Variants in NCK1 observed in about 807,000 individuals in gnomAD.
The protein encoded by NCK1 is NCK adaptor protein 1.
In NCK1, 19 loss-of-function variants were observed where a neutral mutation model predicts 36.6. The ratio of observed to expected loss-of-function variants is 0.52; its 90% CI spans 0.36 to 0.76. The LOEUF is 0.76. Ranked by LOEUF, NCK1 falls within the 30% of genes least tolerant of loss-of-function variation. The pLI is 0.00. For synonymous variants in NCK1, 165 were observed against 156.0 expected (o/e 1.06, Z -0.43); for missense variants, 358 against 445.6 (o/e 0.80, Z 1.77).
chr3:136,863,891 G>T (rs1048898451), intron 1 of NCK1, among the ~76,000 whole-genome samples: 4 of 151,832 alleles, frequency 2.6e-5, no homozygotes, highest in African/African-American at 7.3e-5. Flanking sequence ...CACGAGGTCA[G>T]GAGATTGAAA....
chr3:136,879,259 A>G (rs908161169), intron 1 of NCK1, among the ~76,000 whole-genome samples: 1 of 152,164 alleles, frequency 6.6e-6, no homozygotes, highest in African/African-American at 2.4e-5. Context: ...TCAGAGGTCA[A>G]CTTCCAAATA....
rs568832928 is a variant in NCK1 at position 136,936,899 on chromosome 3, A to G, written c.226+8672A>G. Among the ~76,000 whole-genome samples the G allele has an allele frequency of 8.1e-4, 124 of 152,296 alleles. 1 individual carries two copies. The highest frequency in any genetic ancestry group is 5.2e-3 in the South Asian group (25 of 4,830). ...ACCCTTATCAGAATTATGATTTGCAAATATTCTCTTCTAATTCTGTAGGTT... is the reference window on the plus strand; with the variant it reads ...ACCCTTATCAGAATTATGATTTGCAGATATTCTCTTCTAATTCTGTAGGTT... On this transcript the variant is annotated intron_variant, in intron 2 of 3. Transcript: ENST00000481752.
At chr3:136,930,879 G>C (rs1248106021) in intron 2 of NCK1, among the ~76,000 whole-genome samples, 7 of 152,040 alleles carry the variant, frequency 4.6e-5, no homozygotes, top group Non-Finnish European at 8.8e-5. Flanking sequence ...TTTCAACTTA[G>C]CACAGACATT....
intron 1 of NCK1, among the ~76,000 whole-genome samples, chr3:136,886,513 G>A (rs1014509295): frequency 4.6e-5 from 7 of 152,106 alleles, no homozygotes; most frequent in East Asian, 1.9e-4. Flanking sequence ...AGGAAAAAAC[G>A]TCTGTATATG....
chr3:136,894,964 C>T (rs1000901032), intron 1 of NCK1, among the ~76,000 whole-genome samples: 6 of 152,154 alleles, frequency 3.9e-5, no homozygotes, highest in East Asian at 1.9e-4. Context: ...CAACCTCCAC[C>T]TCCTGGGTTC....
intron 1 of NCK1, among the ~76,000 whole-genome samples, chr3:136,921,348 G>A (rs1267271675): frequency 6.6e-6 from 1 of 152,194 alleles, no homozygotes; most frequent in Admixed American, 6.5e-5. Flanking sequence ...GCAAAATGAA[G>A]GGTAAAGCAA....
intron 2 of NCK1, among the ~76,000 whole-genome samples, chr3:136,934,292 T>A (rs996469022): frequency 9.9e-5 from 15 of 152,102 alleles, no homozygotes; most frequent in African/African-American, 3.6e-4. Context: ...TATTTCTTTC[T>A]TTCTTTTTTC....
At chr3:136,872,644 C>A (rs1197425101) in intron 1 of NCK1, among the ~76,000 whole-genome samples, 1 of 152,172 alleles carries the variant, frequency 6.6e-6, no homozygotes, top group African/African-American at 2.4e-5. Context: ...CATGGCAGCC[C>A]CTCCCATCAC....
chr3:136,883,824 G>T (rs947972060), intron 1 of NCK1, among the ~76,000 whole-genome samples: 3 of 152,194 alleles, frequency 2.0e-5, no homozygotes, highest in African/African-American at 7.2e-5. Flanking sequence ...AAGGATGGAT[G>T]AGAGACATTT....
chr3:136,933,009 A>G (rs1263704064), intron 2 of NCK1, among the ~76,000 whole-genome samples: 2 of 152,260 alleles, frequency 1.3e-5, no homozygotes, highest in Non-Finnish European at 2.9e-5. Context: ...CAAGATAGAA[A>G]TAAACAAGAT....
chr3:136,918,001 C>T (rs2108118727), intron 1 of NCK1, among the ~76,000 whole-genome samples: 2 of 152,294 alleles, frequency 1.3e-5, no homozygotes, highest in South Asian at 4.1e-4. Flanking sequence ...GACACCTGGC[C>T]TGTCCCCAGG....
At chr3:136,922,165 C>G (rs1940127454) in intron 1 of NCK1, among the ~76,000 whole-genome samples, 1 of 152,184 alleles carries the variant, frequency 6.6e-6, no homozygotes, top group Non-Finnish European at 1.5e-5. Context: ...GGAAGAGAAA[C>G]AAACTTATTA....
At chr3:136,884,099 A>T (rs555511738) in intron 1 of NCK1, among the ~76,000 whole-genome samples, 1 of 152,302 alleles carries the variant, frequency 6.6e-6, no homozygotes, top group South Asian at 2.1e-4. Context: ...AGGTGATACG[A>T]TGAAGTCATA....
chr3:136,866,265 C>G (rs1319163497), intron 1 of NCK1, among the ~76,000 whole-genome samples: 2 of 151,722 alleles, frequency 1.3e-5, no homozygotes, highest in Non-Finnish European at 2.9e-5. Flanking sequence ...CTTATTTACT[C>G]TTTGTATTTT....
At chr3:136,882,405 T>C (rs1298048166) in intron 1 of NCK1, among the ~76,000 whole-genome samples, 1 of 152,244 alleles carries the variant, frequency 6.6e-6, no homozygotes, top group East Asian at 1.9e-4. Flanking sequence ...TTTTTACTTT[T>C]GTCTGTCCAT....
intron 1 of NCK1, among the ~76,000 whole-genome samples, chr3:136,887,543 A>G (rs889977021): frequency 1.3e-5 from 2 of 152,238 alleles, no homozygotes; most frequent in Non-Finnish European, 2.9e-5. Flanking sequence ...ATCGACTTGC[A>G]GTGAATTAGT....
At position 136,905,025 on chromosome 3, in the gene NCK1, CTT is replaced by C. The variant is rs1419888914; in HGVS notation, c.-18-22955_-18-22954del. Among the ~76,000 whole-genome samples, 3 of 81,636 alleles carry C rather than the reference CTT, an allele frequency of 3.7e-5. No homozygotes were observed. The Admixed American group carries it at 4.5e-4, about 12-fold the overall frequency. 53.6% of individuals were successfully genotyped at this position (81,636 alleles called of 152,430 possible). On this transcript the variant is annotated intron_variant, in intron 1 of 3. Coordinates refer to ENST00000481752, the MANE Select transcript of NCK1 (RefSeq NM_001291999.2). ...GTTTTTCCTTTTTTTTTTTTTTTTT[CTT>C]TTTGAGATGGAGTCTCGCTCTGTTT...
intron 1 of NCK1, among the ~76,000 whole-genome samples, chr3:136,864,113 A>G (rs553246244): frequency 6.6e-6 from 1 of 151,746 alleles, no homozygotes; most frequent in South Asian, 2.1e-4. Context: ...AAAAATAAAT[A>G]AAATGTGTAT....
intron 1 of NCK1, among the ~76,000 whole-genome samples, chr3:136,869,960 C>T (rs1328077979): frequency 2.0e-5 from 3 of 148,982 alleles, no homozygotes; most frequent in African/African-American, 7.5e-5. Flanking sequence ...TTTGTTCAAA[C>T]AGCCAGTTGA....
Sources: gnomAD v4.1 joint callset for allele counts (sites outside exome capture counted in the v4.1 genomes callset) on GRCh38, gnomAD v4.1.1 for gene constraint, MANE v1.5 for transcripts, NCBI Gene and HGNC (gene_info 2026-07-23, HGNC 2026-07-21) for gene names.